Variants in ASTN2 observed in about 807,000 individuals in gnomAD.
ASTN2 encodes astrotactin 2.
A neutral mutation model predicts 139.8 loss-of-function variants in ASTN2; 54 were observed. The ratio of observed to expected loss-of-function variants is 0.39; its 90% CI spans 0.31 to 0.48. ASTN2 has a LOEUF of 0.48. Ranked by LOEUF, ASTN2 falls within the 20% of genes least tolerant of loss-of-function variation. The probability of loss-of-function intolerance (pLI) is 0.95; values close to 1 mark genes in which losing one functional copy is unlikely to be tolerated. For missense variants in ASTN2, 1,565 were observed against 1,725.1 expected, an observed-to-expected ratio of 0.91 and a Z score of 1.64; for synonymous variants, 756 against 719.5, an observed-to-expected ratio of 1.05 and a Z score of -0.81.
intron 10 of ASTN2, among the ~76,000 whole-genome samples, chr9:116,944,037 C>T (rs1835309121): frequency 1.3e-5 from 2 of 151,652 alleles, no homozygotes; most frequent in African/African-American, 2.4e-5. Context: ...GTAGTGCTTA[C>T]CATGTGCCAG....
intron 3 of ASTN2, among the ~76,000 whole-genome samples, chr9:117,192,636 G>A (rs927512401): frequency 1.3e-5 from 2 of 152,178 alleles, no homozygotes; most frequent in Non-Finnish European, 2.9e-5. Flanking sequence ...TACTTCCAAA[G>A]AGTAGTTCAT....
chr9:117,411,412 A>G (rs959618716), intron 1 of ASTN2, among the ~76,000 whole-genome samples: 12 of 140,856 alleles, frequency 8.5e-5, no homozygotes, highest in Non-Finnish European at 1.4e-4. Flanking sequence ...GAAATTTGAT[A>G]GGGAGACTAG....
chr9:116,968,087 C>T (rs1449360504), intron 10 of ASTN2, among the ~76,000 whole-genome samples: 3 of 152,102 alleles, frequency 2.0e-5, no homozygotes, highest in African/African-American at 7.2e-5. Flanking sequence ...ATTATGTTAT[C>T]CTAATAACCA....
At chr9:116,974,937 C>T (rs569313502) in intron 10 of ASTN2, among the ~76,000 whole-genome samples, 3 of 152,154 alleles carry the variant, frequency 2.0e-5, no homozygotes, top group Non-Finnish European at 4.4e-5. Flanking sequence ...AAGATAAGAT[C>T]ATTAATGATC....
In ASTN2 at chr9:116,975,346, C is replaced by T; in HGVS notation, c.1752-1G>A. ...GCCTTGGCCCAAGCTGAAAGTAGAC[C>T]TGCAATGTAAGAGTTTCCATTGGGG... On this transcript the variant is annotated splice_acceptor_variant, in intron 9 of 22. Coordinates refer to ENST00000313400, the MANE Select transcript of ASTN2 (RefSeq NM_001365068.1). LOFTEE classifies it high-confidence loss of function. 6.2e-7 allele frequency: 1 copy of T among 1,603,676 alleles called. No individual in the cohort carries two copies.
At chr9:116,546,884 G>A (rs566692053) in intron 19 of ASTN2, among the ~76,000 whole-genome samples, 9 of 152,252 alleles carry the variant, frequency 5.9e-5, no homozygotes, top group South Asian at 2.1e-4. Flanking sequence ...GGGAGCAGGC[G>A]TTGAACTCTT....
intron 10 of ASTN2, among the ~76,000 whole-genome samples, chr9:116,938,373 A>G (rs562291673): frequency 8.5e-5 from 13 of 152,182 alleles, no homozygotes; most frequent in East Asian, 3.9e-4. Context: ...CTGATGGTGG[A>G]GACTTTTCCT....
chr9:116,764,880 G>A (rs1017835129), intron 13 of ASTN2, among the ~76,000 whole-genome samples: 17 of 152,152 alleles, frequency 1.1e-4, no homozygotes, highest in Non-Finnish European at 2.1e-4. Context: ...AATAATAATG[G>A]TCTAATGCAG....
chr9:117,199,745 T>C (rs2416593), intron 3 of ASTN2, among the ~76,000 whole-genome samples: 54,928 of 151,942 alleles, frequency 0.36, 10,017 homozygotes, highest in East Asian at 0.43. Flanking sequence ...ATGATATTGA[T>C]TCTTCCTATC....
intron 13 of ASTN2, among the ~76,000 whole-genome samples, chr9:116,792,786 A>G (rs1467339195): frequency 2.0e-5 from 3 of 152,158 alleles, no homozygotes; most frequent in African/African-American, 7.2e-5. Flanking sequence ...TCCTGCTTTC[A>G]AACTGGCAAA....
At chr9:117,121,787 A>G (rs1829564598) in intron 4 of ASTN2, among the ~76,000 whole-genome samples, 1 of 152,210 alleles carries the variant, frequency 6.6e-6, no homozygotes, top group African/African-American at 2.4e-5. Context: ...GAAACTTACA[A>G]TCATGGCAGA....
At chr9:116,586,571 A>G (rs1280447233) in intron 19 of ASTN2, among the ~76,000 whole-genome samples, 1 of 152,166 alleles carries the variant, frequency 6.6e-6, no homozygotes, top group Non-Finnish European at 1.5e-5. Flanking sequence ...GTTCTCACTT[A>G]TAAGTGGGAG....
intron 7 of ASTN2, among the ~76,000 whole-genome samples, chr9:116,993,876 A>ATATATATATATATATTTTTT (rs1030120382): frequency 3.5e-5 from 5 of 142,056 alleles, no homozygotes; most frequent in Non-Finnish European, 4.5e-5. Flanking sequence ...ATATATATAT[A>ATATATATATATATATTTTTT]TTTTAACTAT....
At chr9:116,701,150 G>A (rs1861153376) in intron 16 of ASTN2, 1 of 167,088 alleles carries the variant, frequency 6.0e-6, no homozygotes. Flanking sequence ...CTGATGGCAA[G>A]CCAAAGAGCA....
chr9:117,298,702 ATGTGTGTGTGTG>A (rs60775898), intron 1 of ASTN2, among the ~76,000 whole-genome samples: 6 of 136,232 alleles, frequency 4.4e-5, no homozygotes, highest in South Asian at 2.5e-4. Flanking sequence ...GTGCATATGT[ATGTGTGTGTGTG>A]TGTGTGTGTG....
At chr9:117,389,628 G>A (rs148806212) in intron 1 of ASTN2, among the ~76,000 whole-genome samples, 2 of 152,242 alleles carry the variant, frequency 1.3e-5, no homozygotes, top group African/African-American at 2.4e-5. Context: ...CAGGAAGAAG[G>A]ACCATATTCG....
chr9:117,269,577 G>T (rs1045336688), intron 2 of ASTN2, among the ~76,000 whole-genome samples: 8 of 152,182 alleles, frequency 5.3e-5, no homozygotes, highest in African/African-American at 1.9e-4. Flanking sequence ...TTGTTTGCTT[G>T]AAGAACATCC....
chr9:116,815,849 T>A (rs1209735980), intron 12 of ASTN2, among the ~76,000 whole-genome samples: 2 of 134,526 alleles, frequency 1.5e-5, no homozygotes, highest in African/African-American at 2.8e-5. Context: ...TGGCTCACTA[T>A]CTCTTACATA....
intron 13 of ASTN2, among the ~76,000 whole-genome samples, chr9:116,779,932 C>A (rs888496461): frequency 8.5e-5 from 13 of 152,312 alleles, no homozygotes; most frequent in African/African-American, 2.6e-4. Context: ...ATCATTTACA[C>A]ACTTATTATC....
Sources: gnomAD v4.1 joint callset for allele counts (sites outside exome capture counted in the v4.1 genomes callset) on GRCh38, gnomAD v4.1.1 for gene constraint, MANE v1.5 for transcripts, NCBI Gene and HGNC (gene_info 2026-07-23, HGNC 2026-07-21) for gene names.